ATAD2B: variants seen among roughly 807,000 people sequenced by gnomAD.
ATAD2B encodes ATPase family AAA domain containing 2B, also known as ATPase family AAA domain-containing protein 2B.
ATAD2B carries 40 observed loss-of-function variants against 167.6 expected under a neutral mutation model. The ratio of observed to expected loss-of-function variants is 0.24; its 90% CI spans 0.19 to 0.31. ATAD2B has a LOEUF of 0.31. Among genes scored for constraint, ATAD2B ranks in the 10% least tolerant of loss-of-function variants. The probability of loss-of-function intolerance (pLI) is 1.00; values close to 1 mark genes in which losing one functional copy is unlikely to be tolerated. For synonymous variants in ATAD2B, 579 were observed against 596.5 expected, an observed-to-expected ratio of 0.97 and a Z score of 0.43; for missense variants, 1,242 against 1,757.2, an observed-to-expected ratio of 0.71 and a Z score of 5.24.
intron 1 of ATAD2B, among the ~76,000 whole-genome samples, chr2:23,911,162 A>G (rs113593043): frequency 0.12 from 18,232 of 151,770 alleles, 1,175 homozygotes; most frequent in Middle Eastern, 0.21. Flanking sequence ...CAGAGGTTGC[A>G]GTGAGCCGAG....
chr2:23,719,662 T>C, the ATAD2B span, among the ~76,000 whole-genome samples: 11 of 151,974 alleles, frequency 7.2e-5, no homozygotes, highest in Admixed American at 7.2e-4. Context: ...CGTGGAAAAC[T>C]TCCCCCCAAC....
At chr2:23,915,352 A>C (rs1702883933) in intron 1 of ATAD2B, among the ~76,000 whole-genome samples, 1 of 151,932 alleles carries the variant, frequency 6.6e-6, no homozygotes, top group Non-Finnish European at 1.5e-5. Context: ...TGTGCCAGAC[A>C]GGTCAGTACT....
chr2:23,726,026 T>C, the ATAD2B span, among the ~76,000 whole-genome samples: 1 of 152,190 alleles, frequency 6.6e-6, no homozygotes, highest in Non-Finnish European at 1.5e-5. Context: ...AAAAATGGAA[T>C]TGCTATATGA....
chr2:23,718,722 G>A, the ATAD2B span, among the ~76,000 whole-genome samples: 103 of 152,308 alleles, frequency 6.8e-4, no homozygotes, highest in African/African-American at 2.4e-3. Flanking sequence ...TGGGTCTTAG[G>A]AGCTAAAACC....
In ATAD2B at chr2:23,834,425, G is replaced by A. The variant is rs1009728577; in HGVS notation, c.1569-347C>T. The stretch of plus-strand genomic sequence containing the variant: ...AATCCACCTGCCTCGGCCTCGCAAA[G>A]TGCTGGGATTACGGACGTGAGCCAT... On this transcript the variant is annotated intron_variant, in intron 13 of 27. Coordinates refer to ENST00000238789, the MANE Select transcript of ATAD2B (RefSeq NM_017552.4). 4.6e-5 allele frequency among the ~76,000 whole-genome samples: 7 copies of A among 152,144 alleles called. No individual in the cohort carries two copies. In the South Asian group the frequency reaches 8.3e-4, roughly 18 times the overall value.
intron 23 of ATAD2B, among the ~76,000 whole-genome samples, chr2:23,763,542 T>C (rs1211891119): frequency 2.0e-5 from 3 of 152,226 alleles, no homozygotes; most frequent in Admixed American, 6.5e-5. Flanking sequence ...AAAGAAATCA[T>C]ACAATATGTA....
At chr2:23,807,923 T>TATATTTATAATATATATAAATATATAA (rs1463100686) in intron 18 of ATAD2B, among the ~76,000 whole-genome samples, 51 of 130,668 alleles carry the variant, frequency 3.9e-4, no homozygotes, top group Non-Finnish European at 5.0e-4. Context: ...AATATATAAA[T>TATATTTATAATATATATAAATATATAA]ATATTTATAA....
At chr2:23,883,775 T>C in intron 6 of ATAD2B, 1 of 317,324 alleles carries the variant, frequency 3.2e-6, no homozygotes, top group South Asian at 3.0e-5. Flanking sequence ...TAATGGGAAC[T>C]AGTAAGATTC....
intron 1 of ATAD2B, among the ~76,000 whole-genome samples, chr2:23,909,098 T>A (rs954900392): frequency 4.7e-5 from 7 of 150,354 alleles, no homozygotes; most frequent in African/African-American, 1.7e-4. Context: ...AACCTGCACA[T>A]TGTGCACATG....
At position 23,748,949 on chromosome 2, in the gene ATAD2B, G is replaced by GA. The variant is rs1675079390; in HGVS notation, c.*3096_*3097insT. 1 of 151,916 alleles carries GA rather than the reference G, an allele frequency of 6.6e-6. No individual in the cohort carries two copies. The highest frequency in any genetic ancestry group is 2.4e-5 in the African/African-American group (1 of 41,372). 9.4% of individuals were successfully genotyped at this position (151,916 alleles called of 1,614,324 possible). ...AGATGTACAGAATACAAAAGATGCA[G>GA]GTACAAGCCCAAATTCAAGCTTACA... is the stretch of plus-strand genomic sequence containing the variant. On this transcript the variant is annotated 3_prime_UTR_variant, in exon 28 of 28. Transcript: ENST00000238789.
the ATAD2B span, among the ~76,000 whole-genome samples, chr2:23,692,344 C>T: frequency 1.7e-3 from 266 of 152,370 alleles, no homozygotes; most frequent in Admixed American, 3.1e-3. Flanking sequence ...GATCTGCTGC[C>T]CAGGATGGGG....
the ATAD2B span, among the ~76,000 whole-genome samples, chr2:23,741,746 G>C: frequency 6.6e-6 from 1 of 151,662 alleles, no homozygotes; most frequent in Non-Finnish European, 1.5e-5. Flanking sequence ...CAAAAGAAAC[G>C]ACCATCAGAG....
At chr2:23,870,285 C>CTTTTTTTTTTT in intron 8 of ATAD2B, among the ~76,000 whole-genome samples, 1 of 105,676 alleles carries the variant, frequency 9.5e-6, no homozygotes. Flanking sequence ...CAGTAACCAA[C>CTTTTTTTTTTT]TTTTTTTTTT....
intron 13 of ATAD2B, among the ~76,000 whole-genome samples, chr2:23,850,602 C>T (rs1692417394): frequency 6.6e-6 from 1 of 151,774 alleles, no homozygotes; most frequent in Non-Finnish European, 1.5e-5. Context: ...CTGGAAAAGG[C>T]AAAATTATGG....
At chr2:23,701,000 C>T in the ATAD2B span, among the ~76,000 whole-genome samples, 1 of 152,144 alleles carries the variant, frequency 6.6e-6, no homozygotes, top group African/African-American at 2.4e-5. This position sits in a 1 kb window ranked among gnomAD's most constrained non-coding sequence, Gnocchi z 4.6. Context: ...TGCCAGAGAT[C>T]CCACAGCTGA....
chr2:23,858,816 C>T (rs1013325767), intron 12 of ATAD2B, among the ~76,000 whole-genome samples: 3 of 152,050 alleles, frequency 2.0e-5, no homozygotes, highest in Non-Finnish European at 4.4e-5. Flanking sequence ...ATATGATGTC[C>T]CACCGTATGG....
intron 18 of ATAD2B, among the ~76,000 whole-genome samples, chr2:23,809,856 T>G (rs1685277221): frequency 6.6e-6 from 1 of 152,180 alleles, no homozygotes; most frequent in Non-Finnish European, 1.5e-5. Flanking sequence ...AAATCAAATG[T>G]CAAATACACA....
At chr2:23,739,937 A>C in the ATAD2B span, among the ~76,000 whole-genome samples, 2 of 152,246 alleles carry the variant, frequency 1.3e-5, no homozygotes, top group South Asian at 4.1e-4. Context: ...ACGCAAATAA[A>C]CTAGAAAATC....
At chr2:23,781,185 G>A (rs1046514171) in intron 22 of ATAD2B, among the ~76,000 whole-genome samples, 9 of 151,650 alleles carry the variant, frequency 5.9e-5, no homozygotes, top group Admixed American at 1.3e-4. Context: ...AGGCCTCAAG[G>A]TACTACAATT....
Sources: allele counts gnomAD v4.1 joint callset (sites outside exome capture counted in the v4.1 genomes callset), GRCh38; gene constraint gnomAD v4.1.1; non-coding constraint Gnocchi (gnomAD v3.1); transcripts MANE v1.5; gene names NCBI Gene and HGNC (gene_info 2026-07-23, HGNC 2026-07-21).